Variants in SGK3 observed in about 807,000 individuals in gnomAD.
SGK3 encodes the protein serine/threonine-protein kinase Sgk3.
A neutral mutation model predicts 68.5 loss-of-function variants in SGK3; 47 were observed. The observed-to-expected ratio is 0.69, with a 90% CI of 0.54 to 0.87. The LOEUF is 0.87. SGK3 is among the 40% of genes least tolerant of loss of function. The pLI is 0.00. For missense variants in SGK3, 479 were observed against 575.5 expected (o/e 0.83, Z 1.72); for synonymous variants, 181 against 189.1 (o/e 0.96, Z 0.35).
chr8:66,798,455 AAT>A, intron 2 of SGK3, 85 bp from the exon 3 acceptor site: 1 of 1,299,474 alleles, frequency 7.7e-7, no homozygotes, highest in Non-Finnish European at 1.0e-6. Flanking sequence ...AAAAAAAAAA[AAT>A]TAAAACAGGT....
At chr8:66,715,625 A>G (rs1804611061) in intron 1 of SGK3, among the ~76,000 whole-genome samples, 2 of 152,202 alleles carry the variant, frequency 1.3e-5, no homozygotes, top group Admixed American at 1.3e-4. Context: ...GGTATTGTAA[A>G]TATTTTTGAA....
chr8:66,829,214 G>A (rs1288634065), intron 7 of SGK3, among the ~76,000 whole-genome samples: 2 of 152,110 alleles, frequency 1.3e-5, no homozygotes, highest in Admixed American at 6.5e-5. Context: ...CATATTCCCA[G>A]GCTAATTGAT....
chr8:66,780,850 G>C (rs1403476886), intron 1 of SGK3, among the ~76,000 whole-genome samples: 1 of 152,100 alleles, frequency 6.6e-6, no homozygotes, highest in Non-Finnish European at 1.5e-5. Context: ...AAAATAAATT[G>C]GTCTGGCTAC....
intron 16 of SGK3, among the ~76,000 whole-genome samples, chr8:66,856,229 G>T (rs1284748135): frequency 6.6e-6 from 1 of 152,002 alleles, no homozygotes; most frequent in Non-Finnish European, 1.5e-5. Context: ...CACCATGCTG[G>T]GCTAATTTTT....
intron 16 of SGK3, among the ~76,000 whole-genome samples, chr8:66,856,628 C>A (rs563355344): frequency 6.6e-6 from 1 of 152,244 alleles, no homozygotes; most frequent in South Asian, 2.1e-4. Flanking sequence ...CCTGTCAGTA[C>A]CAGCCATGAG....
chr8:66,841,082 C>G lies in SGK3; in HGVS notation c.950C>G (p.Thr317Ser). 1 of 1,594,598 alleles carries G rather than the reference C, an allele frequency of 6.3e-7. No homozygotes were observed. Among genetic ancestry groups the G allele is most frequent in the Non-Finnish European group, 8.5e-7 (1 of 1,170,744 alleles). ...LCKEGIAISD[T>S]TTTFCGTPEY... is the part of the protein sequence containing the mutation. Reference sequence around the variant, plus strand: ...AAAGAAGGAATTGCTATTTCTGACACCACTACCACATTTTGTGGGACACCA... The same window carrying G: ...AAAGAAGGAATTGCTATTTCTGACAGCACTACCACATTTTGTGGGACACCA... Residue 317 changes from threonine to serine, a missense_variant, in exon 13 of 17, where the codon ACC becomes AGC. Around this residue, in one of 3 missense-constraint regions of SGK3, gnomAD observed 173 missense variants for 214.3 expected, o/e 0.81. Coordinates refer to ENST00000521198, the MANE Select transcript of SGK3 (RefSeq NM_001033578.3).
intron 1 of SGK3, chr8:66,768,025 C>T (rs888485598): frequency 1.4e-6 from 1 of 709,866 alleles, no homozygotes; most frequent in African/African-American, 1.8e-5. Flanking sequence ...TTGCCGCTCT[C>T]AACCAGATTT....
At chr8:66,712,937 TG>T (rs1160668883) in intron 1 of SGK3, 104 bp downstream of exon 1, 1 of 151,986 alleles carries the variant, frequency 6.6e-6, no homozygotes, top group Non-Finnish European at 1.5e-5. Context: ...CCTCGGCCGC[TG>T]CCTGTCCTCG....
At chr8:66,814,278 C>T (rs1808494012) in intron 5 of SGK3, among the ~76,000 whole-genome samples, 1 of 152,150 alleles carries the variant, frequency 6.6e-6, no homozygotes, top group Non-Finnish European at 1.5e-5. Context: ...TAAGTGTCGT[C>T]CCTACCGTCC....
At chr8:66,816,987 C>T (rs551234990) in intron 5 of SGK3, among the ~76,000 whole-genome samples, 2 of 152,166 alleles carry the variant, frequency 1.3e-5, no homozygotes, top group South Asian at 2.1e-4. Flanking sequence ...TGAGCCACTA[C>T]ACCCAGCTAA....
intron 10 of SGK3, among the ~76,000 whole-genome samples, chr8:66,838,273 C>G (rs1192661494): frequency 6.6e-6 from 1 of 152,114 alleles, no homozygotes; most frequent in African/African-American, 2.4e-5. Context: ...GCCATGTTGG[C>G]CAGGGTGGTC....
At chr8:66,797,394 T>C (rs538423106) in intron 2 of SGK3, among the ~76,000 whole-genome samples, 2 of 152,296 alleles carry the variant, frequency 1.3e-5, no homozygotes, top group Admixed American at 1.3e-4. Context: ...ATGCTGTCCA[T>C]GTGGGAGGTA....
intron 2 of SGK3, 57 bp downstream of exon 2, chr8:66,793,889 T>G (rs759024297): frequency 5.2e-5 from 80 of 1,550,478 alleles, no homozygotes; most frequent in Non-Finnish European, 6.4e-5. Flanking sequence ...AATATTTTCA[T>G]TTCTGCTTTT....
At chr8:66,784,204 T>C (rs1261492330) in intron 1 of SGK3, among the ~76,000 whole-genome samples, 1 of 152,218 alleles carries the variant, frequency 6.6e-6, no homozygotes, top group Non-Finnish European at 1.5e-5. Context: ...CGGCCTACTT[T>C]TGCAATTTAT....
At chr8:66,831,980 A>C (rs1314159050) in intron 8 of SGK3, among the ~76,000 whole-genome samples, 1 of 152,168 alleles carries the variant, frequency 6.6e-6, no homozygotes, top group African/African-American at 2.4e-5. Flanking sequence ...AATAAGTACA[A>C]ATAATAACAG....
intron 10 of SGK3, among the ~76,000 whole-genome samples, chr8:66,838,977 C>T (rs1045393783): frequency 6.6e-6 from 1 of 152,100 alleles, no homozygotes; most frequent in African/African-American, 2.4e-5. Context: ...CCTCAGCTTC[C>T]GATTTCCTGA....
intron 4 of SGK3, among the ~76,000 whole-genome samples, chr8:66,813,500 C>T (rs1359648972): frequency 6.6e-6 from 1 of 151,872 alleles, no homozygotes; most frequent in Non-Finnish European, 1.5e-5. Context: ...AATTTTTATT[C>T]ATTGTTTGGT....
intron 1 of SGK3, chr8:66,767,905 G>T: frequency 8.4e-7 from 1 of 1,189,146 alleles, no homozygotes; most frequent in African/African-American, 1.5e-5. Flanking sequence ...CCCATCTAAG[G>T]CTTTGATTGA....
At chr8:66,769,153 C>A (rs1348304977) in intron 1 of SGK3, among the ~76,000 whole-genome samples, 1 of 152,176 alleles carries the variant, frequency 6.6e-6, no homozygotes, top group Admixed American at 6.5e-5. Flanking sequence ...TCTTTATCTT[C>A]TCCTTCAGGG....
Sources: gnomAD v4.1 joint callset for allele counts (sites outside exome capture counted in the v4.1 genomes callset) on GRCh38, gnomAD v4.1.1 for gene constraint, gnomAD v4.1.1 regional missense constraint, MANE v1.5 for transcripts, NCBI Gene and HGNC (gene_info 2026-07-23, HGNC 2026-07-21) for gene names.